KCNQ1: variants seen among roughly 807,000 people sequenced by gnomAD.
KCNQ1 encodes the protein potassium voltage-gated channel subfamily KQT member 1.
Under a neutral mutation model 72.4 loss-of-function variants are expected in KCNQ1, and 49 were observed. The observed-to-expected ratio is 0.68, with a 90% CI of 0.54 to 0.86. The LOEUF is 0.86. Ranked by LOEUF, KCNQ1 falls within the 40% of genes least tolerant of loss-of-function variation. The probability of loss-of-function intolerance (pLI) is 0.00; values close to 1 mark genes in which losing one functional copy is unlikely to be tolerated. For synonymous variants in KCNQ1, 450 were observed against 412.6 expected, an observed-to-expected ratio of 1.09 and a Z score of -1.10; for missense variants, 790 against 945.1, an observed-to-expected ratio of 0.84 and a Z score of 2.15.
At chr11:2,472,148 T>G (rs1274211607) in intron 1 of KCNQ1, among the ~76,000 whole-genome samples, 1 of 148,694 alleles carries the variant, frequency 6.7e-6, no homozygotes, top group Non-Finnish European at 1.5e-5. Flanking sequence ...GTGTGTGTGT[T>G]TTATGTATGG....
At chr11:2,490,447 A>G (rs1428120558) in intron 1 of KCNQ1, among the ~76,000 whole-genome samples, 1 of 152,142 alleles carries the variant, frequency 6.6e-6, no homozygotes, top group Non-Finnish European at 1.5e-5. Flanking sequence ...GTAGCCAGGT[A>G]GTGCTTACAG....
chr11:2,812,194 A>G (rs923182837), intron 15 of KCNQ1, among the ~76,000 whole-genome samples: 1 of 152,314 alleles, frequency 6.6e-6, no homozygotes, highest in South Asian at 2.1e-4. Context: ...AGGAACAGAA[A>G]CACCCCTGAA....
chr11:2,675,877 A>C, intron 11 of KCNQ1: 1 of 398,688 alleles, frequency 2.5e-6, no homozygotes, highest in Non-Finnish European at 4.4e-6. Context: ...TGGGGAGCCA[A>C]TCGTGCTTTA....
chr11:2,503,010 C>A (rs1383974747), intron 1 of KCNQ1, among the ~76,000 whole-genome samples: 3 of 152,274 alleles, frequency 2.0e-5, no homozygotes, highest in African/African-American at 7.2e-5. Flanking sequence ...AGACCCCTAT[C>A]TCTCACCATA....
intron 1 of KCNQ1, among the ~76,000 whole-genome samples, chr11:2,487,694 T>G (rs759636169): frequency 6.6e-6 from 1 of 152,210 alleles, no homozygotes; most frequent in Non-Finnish European, 1.5e-5. Context: ...GAAATGCAAC[T>G]GATTTTGCAT....
At chr11:2,546,863 T>C (rs1349531173) in intron 2 of KCNQ1, among the ~76,000 whole-genome samples, 1 of 152,242 alleles carries the variant, frequency 6.6e-6, no homozygotes, top group African/African-American at 2.4e-5. Flanking sequence ...TCTTTATCCC[T>C]GGCCACTTTC....
intron 15 of KCNQ1, among the ~76,000 whole-genome samples, chr11:2,779,422 G>A (rs1350411197): frequency 1.3e-5 from 2 of 152,156 alleles, no homozygotes; most frequent in Non-Finnish European, 2.9e-5. Context: ...GGTAGAGACA[G>A]GGAGTGGCAC....
rs1304306943 is a variant in KCNQ1 at position 2,668,877 on chromosome 11, T to C, written c.1514+6796T>C. 2.5e-6 allele frequency: 1 copy of C among 398,526 alleles called. No individual in the cohort carries two copies. The highest frequency in any genetic ancestry group is 4.4e-6 in the Non-Finnish European group (1 of 226,074). 24.7% of individuals were successfully genotyped at this position (398,526 alleles called of 1,614,324 possible). On this transcript the variant is annotated intron_variant, in intron 11 of 15. Transcript: ENST00000155840. The surrounding 1 kb of genome is among the most constrained non-coding windows in gnomAD (Gnocchi z 4.3). ...GTCCTATTTAAGAAACTTTGACTAC[T>C]CCAAGGTCATAAAGATATTCTGGTT...
Position 2,570,720 on chromosome 11 carries a change from G to A in KCNQ1, c.570G>A (p.Arg190=), listed in dbSNP as rs759118145. The A allele has an allele frequency of 1.9e-6, 3 of 1,611,968 alleles. No individual in the cohort carries two copies. In the South Asian group the frequency reaches 3.3e-5, roughly 18 times the overall value. The change falls in exon 3 of 16, where the codon CGG becomes CGA. Residue 190 remains arginine, a synonymous_variant. Transcript: ENST00000155840. ...GCAAGTACGTGGGCCTCTGGGGGCGGCTGCGCTTTGCCCGGAAGCCCATTT... is the reference window on the plus strand; with the variant it reads ...GCAAGTACGTGGGCCTCTGGGGGCGACTGCGCTTTGCCCGGAAGCCCATTT... The part of the protein sequence containing the change: ...CRSKYVGLWG[R]LRFARKPISI...
chr11:2,719,285 G>C (rs1851162320), intron 11 of KCNQ1, among the ~76,000 whole-genome samples: 1 of 149,972 alleles, frequency 6.7e-6, no homozygotes, highest in South Asian at 2.1e-4. Flanking sequence ...TGGGAGGCCA[G>C]GCGTTAGAGA....
At chr11:2,619,119 A>T (rs1156419157) in intron 10 of KCNQ1, 1 of 398,410 alleles carries the variant, frequency 2.5e-6, no homozygotes, top group Non-Finnish European at 4.4e-6. Flanking sequence ...TGTCATCTTC[A>T]TATAAAGATA....
At position 2,748,753 on chromosome 11, in the gene KCNQ1, G is replaced by T. The variant is rs138401934; in HGVS notation, c.1515-20091G>T. On this transcript the variant is annotated intron_variant, in intron 11 of 15. Coordinates refer to ENST00000155840, the MANE Select transcript of KCNQ1 (RefSeq NM_000218.3). The surrounding 1 kb of genome is among the most constrained non-coding windows in gnomAD (Gnocchi z 6.2). ...CTCAAGACCATCTGTCACGTGACAG[G>T]GGCAGGCTAGGCCTTTCTTGAACTC... 8.6e-4 allele frequency among the ~76,000 whole-genome samples: 131 copies of T among 152,362 alleles called. 2 individuals are homozygous for T. In the East Asian group the frequency reaches 0.025, roughly 29 times the overall value.
rs1847757818 is a variant in KCNQ1, at chr11:2,537,782, ACTCACGG to A, written c.477+9770_477+9776del. On this transcript the variant is annotated intron_variant, in intron 2 of 15. Transcript: ENST00000155840. This position sits in a 1 kb window ranked among gnomAD's most constrained non-coding sequence, Gnocchi z 5.2. ...TGCCCAGGTTGGAGAGTAGTGGCAT[ACTCACGG>A]CTCACTGCAGCCTCGGCCTCCTGGC... 6.6e-6 allele frequency among the ~76,000 whole-genome samples: 1 copy of A among 151,954 alleles called. No individual in the cohort carries two copies. Among genetic ancestry groups the A allele is most frequent in the Admixed American group, 6.6e-5 (1 of 15,242 alleles).
chr11:2,449,207 C>T (rs1439751445), intron 1 of KCNQ1, among the ~76,000 whole-genome samples: 6 of 152,178 alleles, frequency 3.9e-5, no homozygotes, highest in African/African-American at 7.2e-5. Flanking sequence ...CAGGGTGCCT[C>T]GGTTGGAGGG....
Position 2,679,147 on chromosome 11 carries a change from T to G in KCNQ1, c.1514+17066T>G, listed in dbSNP as rs1850344167. On this transcript the variant is annotated intron_variant, in intron 11 of 15. Coordinates refer to ENST00000155840, the MANE Select transcript of KCNQ1 (RefSeq NM_000218.3). The surrounding 1 kb of genome is among the most constrained non-coding windows in gnomAD (Gnocchi z 4.8). Reference sequence around the variant, plus strand: ...GGCCAAAATGGTTTCATGGCATGAGTTGGGCAGCAGCGACTCAGTTTCCAT... The same window carrying G: ...GGCCAAAATGGTTTCATGGCATGAGGTGGGCAGCAGCGACTCAGTTTCCAT... 2.5e-6 allele frequency: 1 copy of G among 398,456 alleles called. No individual in the cohort carries two copies. Among genetic ancestry groups the G allele is most frequent in the Non-Finnish European group, 4.4e-6 (1 of 226,074 alleles). 24.7% of individuals were successfully genotyped at this position (398,456 alleles called of 1,614,324 possible).
Position 2,600,174 on chromosome 11 carries a change from C to T in KCNQ1, c.1393+11320C>T, listed in dbSNP as rs1016317290. Among the ~76,000 whole-genome samples, 3 of 152,146 alleles carry T rather than the reference C, an allele frequency of 2.0e-5. No individual in the cohort carries two copies. The highest frequency in any genetic ancestry group is 7.2e-5 in the African/African-American group (3 of 41,414). On this transcript the variant is annotated intron_variant, in intron 10 of 15. Transcript: ENST00000155840. This position sits in a 1 kb window ranked among gnomAD's most constrained non-coding sequence, Gnocchi z 5.6. ...TTGAGGGAGGAAGTCCTGTCTATTG[C>T]AGGATGTTTAGCAGCATCTCCGGCC...
chr11:2,740,478 G>C (rs1170018893), intron 11 of KCNQ1, among the ~76,000 whole-genome samples: 2 of 152,206 alleles, frequency 1.3e-5, no homozygotes, highest in Admixed American at 6.5e-5. Context: ...CCCACCCAGA[G>C]GACAGCGCAC....
At chr11:2,845,054 T>G (rs1848294228) in intron 15 of KCNQ1, among the ~76,000 whole-genome samples, 1 of 152,166 alleles carries the variant, frequency 6.6e-6, no homozygotes, top group African/African-American at 2.4e-5. Flanking sequence ...TTTCCTCATG[T>G]GCACCCTGAA....
chr11:2,521,365 C>T (rs1260718104), intron 1 of KCNQ1: 1 of 373,108 alleles, frequency 2.7e-6, no homozygotes, highest in South Asian at 2.0e-5. Context: ...CTGTGACTGG[C>T]ACTGTGTGTT....
Sources: gnomAD v4.1 joint callset for allele counts (sites outside exome capture counted in the v4.1 genomes callset) on GRCh38, gnomAD v4.1.1 for gene constraint, Gnocchi (gnomAD v3.1) non-coding constraint, MANE v1.5 for transcripts, NCBI Gene and HGNC (gene_info 2026-07-23, HGNC 2026-07-21) for gene names.